SORCS2: variants seen among roughly 807,000 people sequenced by gnomAD.
SORCS2 encodes the protein VPS10 domain-containing receptor SorCS2.
Under a neutral mutation model 141.6 loss-of-function variants are expected in SORCS2, and 100 were observed. The observed-to-expected ratio is 0.71, with a 90% CI of 0.60 to 0.83. SORCS2 has a LOEUF of 0.83. Ranked by LOEUF, SORCS2 falls within the 40% of genes least tolerant of loss-of-function variation. SORCS2 has a pLI of 0.00. For missense variants in SORCS2, 1,646 were observed against 1,560.2 expected (o/e 1.05, Z -0.93); for synonymous variants, 789 against 676.9 (o/e 1.17, Z -2.57).
intron 4 of SORCS2, among the ~76,000 whole-genome samples, chr4:7,643,482 G>A (rs1231262807): frequency 1.3e-5 from 2 of 152,222 alleles, no homozygotes; most frequent in Non-Finnish European, 2.9e-5. Flanking sequence ...CCAGCATGGT[G>A]AGAAATTGAT....
At chr4:7,343,486 C>T (rs1198277808) in intron 1 of SORCS2, among the ~76,000 whole-genome samples, 8 of 152,176 alleles carry the variant, frequency 5.3e-5, no homozygotes, top group Admixed American at 1.3e-4. Flanking sequence ...GGGTTCAGCA[C>T]GGGAAGGGCT....
intron 1 of SORCS2, among the ~76,000 whole-genome samples, chr4:7,210,049 G>A (rs1435781271): frequency 6.6e-6 from 1 of 152,208 alleles, no homozygotes; most frequent in Non-Finnish European, 1.5e-5. Context: ...CCCATGTCGG[G>A]GAGGCTATGA....
At chr4:7,403,754 T>G (rs1040435295) in intron 2 of SORCS2, among the ~76,000 whole-genome samples, 1 of 150,944 alleles carries the variant, frequency 6.6e-6, no homozygotes, top group African/African-American at 2.4e-5. Context: ...AATTTTATTA[T>G]GATTTATATA....
At chr4:7,385,245 C>G (rs1723220422) in intron 1 of SORCS2, among the ~76,000 whole-genome samples, 2 of 152,212 alleles carry the variant, frequency 1.3e-5, no homozygotes, top group Non-Finnish European at 2.9e-5. Flanking sequence ...CCCCTCCCCT[C>G]AGGGGTCTTT....
intron 2 of SORCS2, among the ~76,000 whole-genome samples, chr4:7,472,569 G>A (rs1433492608): frequency 6.6e-6 from 1 of 152,194 alleles, no homozygotes; most frequent in Non-Finnish European, 1.5e-5. Context: ...GCCCTGGGCA[G>A]GAGTGGACAA....
At chr4:7,260,297 C>A (rs1243081831) in intron 1 of SORCS2, among the ~76,000 whole-genome samples, 1 of 152,128 alleles carries the variant, frequency 6.6e-6, no homozygotes, top group Non-Finnish European at 1.5e-5. Flanking sequence ...AAGGGGTCTG[C>A]TGTGTGGGTT....
chr4:7,599,572 A>C (rs914836372), intron 3 of SORCS2, among the ~76,000 whole-genome samples: 1 of 152,072 alleles, frequency 6.6e-6, no homozygotes, highest in Non-Finnish European at 1.5e-5. Flanking sequence ...GCTGCTGTTG[A>C]CGTCTGTCCC....
At chr4:7,688,333 G>A (rs979265744) in intron 10 of SORCS2, among the ~76,000 whole-genome samples, 6 of 152,214 alleles carry the variant, frequency 3.9e-5, no homozygotes, top group Non-Finnish European at 5.9e-5. Context: ...CAGAAAATTA[G>A]TGGTGTCTCC....
At chr4:7,267,287 T>C (rs1038130504) in intron 1 of SORCS2, among the ~76,000 whole-genome samples, 3 of 152,164 alleles carry the variant, frequency 2.0e-5, no homozygotes, top group African/African-American at 7.2e-5. Context: ...TGGATGCTGA[T>C]TTTCAATTCT....
At chr4:7,218,213 T>C (rs1320572484) in intron 1 of SORCS2, among the ~76,000 whole-genome samples, 5 of 152,214 alleles carry the variant, frequency 3.3e-5, no homozygotes, top group Admixed American at 3.3e-4. Flanking sequence ...GAGTAGATCC[T>C]GCATTCCTCA....
In SORCS2 at chr4:7,422,966, G is replaced by A. The variant is rs139981667; in HGVS notation, c.548+26611G>A. Among the ~76,000 whole-genome samples, 890 of 151,746 alleles carry A rather than the reference G, an allele frequency of 5.9e-3. 9 individuals are homozygous for A. Among genetic ancestry groups the A allele is most frequent in the African/African-American group, 0.02 (842 of 41,248 alleles). ...GCCAGATCTCTAAAGGCCCTAGTATGTACCCGCCCCAGCACCTGCCACCCC... is the reference window on the plus strand; with the variant it reads ...GCCAGATCTCTAAAGGCCCTAGTATATACCCGCCCCAGCACCTGCCACCCC... On this transcript the variant is annotated intron_variant, in intron 2 of 26. Coordinates refer to ENST00000507866, the MANE Select transcript of SORCS2 (RefSeq NM_020777.3).
chr4:7,697,564 G>GT (rs1345697673), intron 12 of SORCS2, among the ~76,000 whole-genome samples: 1 of 152,240 alleles, frequency 6.6e-6, no homozygotes, highest in Non-Finnish European at 1.5e-5. Flanking sequence ...ACAGTTGGAC[G>GT]TGTCACTGCG....
chr4:7,373,332 T>C (rs9999687), intron 1 of SORCS2, among the ~76,000 whole-genome samples: 4,446 of 151,214 alleles, frequency 0.029, 210 homozygotes, highest in African/African-American at 0.1. Context: ...TAAGAAATGA[T>C]ACTGAGCATC....
chr4:7,636,430 G>A (rs568764666), intron 3 of SORCS2, among the ~76,000 whole-genome samples: 24 of 152,364 alleles, frequency 1.6e-4, no homozygotes, highest in African/African-American at 5.1e-4. Flanking sequence ...CTGTGTGCTT[G>A]TAGGATCGGA....
chr4:7,332,116 C>T (rs535004139), intron 1 of SORCS2, among the ~76,000 whole-genome samples: 9 of 152,220 alleles, frequency 5.9e-5, no homozygotes, highest in Non-Finnish European at 1.2e-4. Flanking sequence ...AACTGTGTGC[C>T]TGGCATTTCC....
chr4:7,639,995 G>A (rs918431859), intron 4 of SORCS2, among the ~76,000 whole-genome samples: 3 of 151,838 alleles, frequency 2.0e-5, no homozygotes, highest in East Asian at 3.9e-4. Flanking sequence ...GCACGTGTGC[G>A]AGTGTGAAAG....
At chr4:7,195,171 GGTGTGTGT>G (rs59264911) in intron 1 of SORCS2, among the ~76,000 whole-genome samples, 45,902 of 142,060 alleles carry the variant, frequency 0.32, 8,009 homozygotes, top group African/African-American at 0.48. Context: ...ACTGCTGGCA[GGTGTGTGT>G]GTGTGTGTGT....
intron 1 of SORCS2, among the ~76,000 whole-genome samples, chr4:7,358,117 A>T (rs1721368271): frequency 6.6e-6 from 1 of 152,228 alleles, no homozygotes; most frequent in Admixed American, 6.5e-5. Flanking sequence ...CTGTTTTCAC[A>T]GGAAAGGGCA....
At chr4:7,203,403 G>A (rs1727575997) in intron 1 of SORCS2, among the ~76,000 whole-genome samples, 2 of 152,136 alleles carry the variant, frequency 1.3e-5, no homozygotes, top group Non-Finnish European at 2.9e-5. Flanking sequence ...TGGCCTGGGC[G>A]ACAGAGCAAG....
Sources: gnomAD v4.1 joint callset for allele counts (sites outside exome capture counted in the v4.1 genomes callset) on GRCh38, gnomAD v4.1.1 for gene constraint, MANE v1.5 for transcripts, NCBI Gene and HGNC (gene_info 2026-07-23, HGNC 2026-07-21) for gene names.